The following OVCH1 variants were observed in gnomAD, a reference collection of about 807,000 sequenced individuals.
The protein encoded by OVCH1 is ovochymase 1, also known as ovochymase-1.
OVCH1 carries 139 observed loss-of-function variants against 138.4 expected under a neutral mutation model. The ratio of observed to expected loss-of-function variants is 1.00; its 90% CI spans 0.87 to 1.16. The LOEUF (loss-of-function observed/expected upper bound fraction) is 1.16, where lower values mean the gene tolerates loss of function less well. Among genes scored for constraint, OVCH1 ranks in the 50% most tolerant of loss-of-function variants. The probability of loss-of-function intolerance (pLI) is 0.00; values close to 1 mark genes in which losing one functional copy is unlikely to be tolerated. For synonymous variants in OVCH1, 453 were observed against 467.8 expected, an observed-to-expected ratio of 0.97 and a Z score of 0.41; for missense variants, 1,367 against 1,357.9, an observed-to-expected ratio of 1.01 and a Z score of -0.11.
chr12:29,465,275 T>C (rs1368213495), intron 16 of OVCH1, 56 bp from the exon 17 acceptor site: 1 of 1,409,042 alleles, frequency 7.1e-7, no homozygotes, highest in Non-Finnish European at 9.8e-7. Flanking sequence ...TATTAGTTTG[T>C]TCTCACACTG....
intron 25 of OVCH1, among the ~76,000 whole-genome samples, chr12:29,442,632 T>TA (rs370089807): frequency 6.7e-4 from 100 of 149,730 alleles, no homozygotes; most frequent in African/African-American, 2.3e-3. Flanking sequence ...AATAATAAAA[T>TA]AAAAAAAAAT....
downstream of OVCH1, among the ~76,000 whole-genome samples, chr12:29,409,975 T>C (rs1192655784): frequency 1.3e-5 from 2 of 152,180 alleles, no homozygotes; most frequent in Non-Finnish European, 2.9e-5. Context: ...GGACTTGCTT[T>C]ATGAATCTGG....
intron 26 of OVCH1, among the ~76,000 whole-genome samples, chr12:29,438,317 T>A (rs530248624): frequency 6.6e-6 from 1 of 152,278 alleles, no homozygotes; most frequent in South Asian, 2.1e-4. Context: ...TCTGATAGTT[T>A]TAATTACCAT....
downstream of OVCH1, among the ~76,000 whole-genome samples, chr12:29,423,967 C>T (rs577717631): frequency 7.9e-5 from 12 of 152,146 alleles, no homozygotes; most frequent in South Asian, 2.1e-4. Flanking sequence ...GGGAAAATGC[C>T]GAGACCAGCT....
intron 3 of OVCH1, among the ~76,000 whole-genome samples, chr12:29,419,058 A>G (rs1480307990): frequency 6.6e-6 from 1 of 151,902 alleles, no homozygotes; most frequent in East Asian, 1.9e-4. Context: ...AGGTCTTACT[A>G]TGTTGCCCAG....
intron 4 of OVCH1, among the ~76,000 whole-genome samples, chr12:29,493,412 T>G (rs1486491660): frequency 6.6e-6 from 1 of 152,172 alleles, no homozygotes; most frequent in Non-Finnish European, 1.5e-5. Context: ...GTTACTAAGC[T>G]TTTTAAATCT....
intron 18 of OVCH1, among the ~76,000 whole-genome samples, 182 bp from the exon 19 acceptor site, chr12:29,462,190 C>T (rs79046368): frequency 0.024 from 3,677 of 152,194 alleles, 116 homozygotes; most frequent in African/African-American, 0.08. Flanking sequence ...GTCTTCATTT[C>T]CCAATTTGGC....
At chr12:29,405,061 A>G in the OVCH1 span, among the ~76,000 whole-genome samples, 2 of 134,706 alleles carry the variant, frequency 1.5e-5, no homozygotes, top group Non-Finnish European at 3.3e-5. Context: ...AAAAAACAAA[A>G]GAAATGATCA....
chr12:29,431,374 G>T (rs1028777736), intron 27 of OVCH1, among the ~76,000 whole-genome samples: 2 of 152,056 alleles, frequency 1.3e-5, no homozygotes, highest in Admixed American at 1.3e-4. Context: ...GGAGGTTGAA[G>T]CTGCGGTGAA....
chr12:29,479,512 A>C lies in OVCH1; in HGVS notation c.996-604T>G, dbSNP rs559180485. Among the ~76,000 whole-genome samples, 12 of 152,274 alleles carry C rather than the reference A, an allele frequency of 7.9e-5. 1 individual carries two copies. In the South Asian group the frequency reaches 2.3e-3, roughly 29 times the overall value. On this transcript the variant is annotated intron_variant, in intron 8 of 27. Transcript: ENST00000318184. ...GTAGTCTTATGTAATTTGACACATA[A>C]TCCCTTACCTTCATTTTCATACATA...
At position 29,477,419 on chromosome 12, in the gene OVCH1, C is replaced by T. The variant is rs758704702; in HGVS notation, c.1168G>A (p.Val390Ile). Residue 390 changes from valine (V) to isoleucine (I), a missense_variant, in exon 11 of 28, where the codon GTT (valine) becomes ATT (isoleucine). By Grantham distance (29) the Val-to-Ile change is conservative (BLOSUM62 3). Transcript: ENST00000318184. Reference sequence around the variant, plus strand: ...TCTTCTGTATCAGAAACAAATGGAACCATGGCCTCACTGGTCTCTGCCAGC... The same window carrying T: ...TCTTCTGTATCAGAAACAAATGGAATCATGGCCTCACTGGTCTCTGCCAGC... 38 of 1,613,844 alleles carry T rather than the reference C, an allele frequency of 2.4e-5. No individual in the cohort carries two copies. The African/African-American group carries it at 5.1e-4, about 22-fold the overall frequency.
intron 16 of OVCH1, among the ~76,000 whole-genome samples, chr12:29,467,697 G>T (rs1942368025): frequency 6.6e-6 from 1 of 152,146 alleles, no homozygotes; most frequent in Non-Finnish European, 1.5e-5. Context: ...CCAAAAGTAA[G>T]ATAAAAGTCC....
intron 22 of OVCH1, among the ~76,000 whole-genome samples, chr12:29,450,297 A>G (rs1941747619): frequency 1.3e-5 from 2 of 152,336 alleles, no homozygotes; most frequent in East Asian, 1.9e-4. Flanking sequence ...AGAATCTACA[A>G]GGAACTTAAA....
chr12:29,435,995 T>A (rs1941351672), intron 26 of OVCH1, among the ~76,000 whole-genome samples: 1 of 152,198 alleles, frequency 6.6e-6, no homozygotes, highest in Non-Finnish European at 1.5e-5. Flanking sequence ...ATATTGATCT[T>A]TTTAGACCTG....
rs775312785 is a variant in OVCH1, at chr12:29,487,878, TCC to T, written c.705_706del (p.Asp236LeufsTer8). On this transcript the variant is annotated frameshift_variant and splice_region_variant, in exon 7 of 28. Coordinates refer to ENST00000318184, the Ensembl canonical transcript of OVCH1. LOFTEE classifies it high-confidence loss of function. ...TCTACAAACCAGTGGTCCTCCAGAG[TCC>T]CCCTTTCATGGTACAAAAAAAGAGA... is the stretch of plus-strand genomic sequence containing the variant. 1.2e-6 allele frequency: 2 copies of T among 1,606,980 alleles called. No individual in the cohort carries two copies. Among genetic ancestry groups the T allele is most frequent in the Non-Finnish European group, 1.7e-6 (2 of 1,177,470 alleles).
At chr12:29,467,710 A>G (rs1942368345) in intron 16 of OVCH1, among the ~76,000 whole-genome samples, 1 of 152,212 alleles carries the variant, frequency 6.6e-6, no homozygotes, top group African/African-American at 2.4e-5. Context: ...AAAAGTCCCA[A>G]TGAGCACAAA....
intron 19 of OVCH1, among the ~76,000 whole-genome samples, chr12:29,459,184 C>T (rs2135964487): frequency 6.6e-6 from 1 of 152,264 alleles, no homozygotes; most frequent in South Asian, 2.1e-4. Context: ...TCTGCACTCC[C>T]ATGTCTATTG....
rs1000965591 is a variant in OVCH1, at chr12:29,487,692, C to T, written c.892+1G>A. ...AGATGAGGAAGAAAGAATTCACCTACCTGTGAACAGGTTTTGAGTGATAAA... is the reference window on the plus strand; with the variant it reads ...AGATGAGGAAGAAAGAATTCACCTATCTGTGAACAGGTTTTGAGTGATAAA... On this transcript the variant is annotated splice_donor_variant, in intron 7 of 27. Coordinates refer to ENST00000318184, the Ensembl canonical transcript of OVCH1. LOFTEE classifies it high-confidence loss of function. 6.3e-7 allele frequency: 1 copy of T among 1,586,410 alleles called. No individual in the cohort carries two copies. Among genetic ancestry groups the T allele is most frequent in the African/African-American group, 1.3e-5 (1 of 74,726 alleles).
chr12:29,495,613 AT>A lies in OVCH1; in HGVS notation c.282-157del, dbSNP rs373682686. Among the ~76,000 whole-genome samples, 734 of 151,948 alleles carry A rather than the reference AT, an allele frequency of 4.8e-3. 5 individuals are homozygous for A. Among genetic ancestry groups the A allele is most frequent in the African/African-American group, 0.017 (686 of 41,444 alleles). ...ATTATTGAGTATTACCAATGGTCAT[AT>A]TTTTTTTAATCTAGAAAAAATCGTA... On this transcript the variant is annotated intron_variant, in intron 3 of 27. Transcript: ENST00000318184.
Sources: allele counts gnomAD v4.1 joint callset (sites outside exome capture counted in the v4.1 genomes callset), GRCh38; gene constraint gnomAD v4.1.1; transcripts MANE v1.5; gene names NCBI Gene and HGNC (gene_info 2026-07-23, HGNC 2026-07-21).